Variants in ZMAT4 observed in about 807,000 individuals in gnomAD.
ZMAT4 encodes the protein zinc finger matrin-type protein 4.
A neutral mutation model predicts 28.7 loss-of-function variants in ZMAT4; 17 were observed. The ratio of observed to expected loss-of-function variants is 0.59; its 90% CI spans 0.41 to 0.89. The LOEUF (loss-of-function observed/expected upper bound fraction) is 0.89, where lower values mean the gene tolerates loss of function less well. ZMAT4 is among the 40% of genes least tolerant of loss of function. The probability of loss-of-function intolerance (pLI) is 0.00; values close to 1 mark genes in which losing one functional copy is unlikely to be tolerated. For missense variants in ZMAT4, 240 were observed against 283.8 expected, an observed-to-expected ratio of 0.85 and a Z score of 1.11; for synonymous variants, 117 against 109.2, an observed-to-expected ratio of 1.07 and a Z score of -0.44.
At chr8:40,623,010 A>C (rs1472465144) in intron 5 of ZMAT4, among the ~76,000 whole-genome samples, 2 of 152,194 alleles carry the variant, frequency 1.3e-5, no homozygotes, top group Non-Finnish European at 2.9e-5. Context: ...CATTTGGCAA[A>C]GCTTTATCAC....
In ZMAT4 at chr8:40,530,645, CAAAT is replaced by C. The variant is rs1392294773; in HGVS notation, c.*1574_*1577del. On this transcript the variant is annotated 3_prime_UTR_variant, in exon 7 of 7. Transcript: ENST00000297737. Reference sequence around the variant, plus strand: ...AATGCTTATTTTACAGCGGAATTGACAAATAAAGCCTTATTTTACACATCCGAAG... The same window carrying C: ...AATGCTTATTTTACAGCGGAATTGACAAAGCCTTATTTTACACATCCGAAG... The C allele has an allele frequency of 6.6e-6, 1 of 152,556 alleles. No individual in the cohort carries two copies. The highest frequency in any genetic ancestry group is 2.4e-5 in the African/African-American group (1 of 41,430). 9.5% of individuals were successfully genotyped at this position (152,556 alleles called of 1,614,324 possible).
At chr8:40,643,580 C>G (rs770893776) in intron 5 of ZMAT4, among the ~76,000 whole-genome samples, 2 of 152,062 alleles carry the variant, frequency 1.3e-5, no homozygotes, top group East Asian at 1.9e-4. Flanking sequence ...TCACAAACTC[C>G]GTCCAGAGGG....
intron 6 of ZMAT4, among the ~76,000 whole-genome samples, chr8:40,580,598 T>C (rs1804431339): frequency 6.6e-6 from 1 of 152,160 alleles, no homozygotes; most frequent in Admixed American, 6.5e-5. Flanking sequence ...ATAGTATAAA[T>C]ATAGGTGAAA....
At chr8:40,622,765 T>C (rs1465346210) in intron 5 of ZMAT4, among the ~76,000 whole-genome samples, 2 of 152,204 alleles carry the variant, frequency 1.3e-5, no homozygotes, top group East Asian at 3.9e-4. Flanking sequence ...TTTTTAAGAA[T>C]CAATTCTCAC....
At chr8:40,694,292 A>C (rs1292106482) in intron 4 of ZMAT4, among the ~76,000 whole-genome samples, 2 of 152,162 alleles carry the variant, frequency 1.3e-5, no homozygotes, top group Non-Finnish European at 2.9e-5. Flanking sequence ...TTTCTTTTCC[A>C]GTGCCTCCTG....
Position 40,531,508 on chromosome 8 carries a change from A to G in ZMAT4, c.*715T>C, listed in dbSNP as rs1368668592. 2.0e-5 allele frequency: 3 copies of G among 152,662 alleles called. No individual in the cohort carries two copies. The highest frequency in any genetic ancestry group is 2.9e-5 in the Non-Finnish European group (2 of 68,040). 9.5% of individuals were successfully genotyped at this position (152,662 alleles called of 1,614,324 possible). A position where few individuals can be genotyped will look rare whatever the true frequency, so the allele number is the denominator to read the frequency against. On this transcript the variant is annotated 3_prime_UTR_variant, in exon 7 of 7. Transcript: ENST00000297737. Reference sequence around the variant, plus strand: ...AGGGCTGTGAAGACGTTTTTGCCTAAGAAGATCATCATGCAGGCAGACTAA... The same window carrying G: ...AGGGCTGTGAAGACGTTTTTGCCTAGGAAGATCATCATGCAGGCAGACTAA...
At chr8:40,789,105 G>A (rs13251637) in intron 2 of ZMAT4, among the ~76,000 whole-genome samples, 24,757 of 150,576 alleles carry the variant, frequency 0.16, 2,544 homozygotes, top group Middle Eastern at 0.25. Context: ...GAGGGAAGGC[G>A]AAGAAGGGAG....
intron 5 of ZMAT4, among the ~76,000 whole-genome samples, chr8:40,644,305 C>A (rs1405499994): frequency 6.6e-6 from 1 of 152,112 alleles, no homozygotes; most frequent in Non-Finnish European, 1.5e-5. Context: ...GAACTCCTTT[C>A]AGAAATGGTT....
intron 3 of ZMAT4, among the ~76,000 whole-genome samples, chr8:40,717,356 T>G (rs1164975542): frequency 6.6e-6 from 1 of 152,172 alleles, no homozygotes; most frequent in African/African-American, 2.4e-5. Context: ...TATAAAATAC[T>G]CAAAATAAAG....
intron 3 of ZMAT4, among the ~76,000 whole-genome samples, chr8:40,739,240 G>A (rs765371270): frequency 7.2e-5 from 11 of 152,240 alleles, no homozygotes; most frequent in Non-Finnish European, 1.5e-4. Flanking sequence ...TACCCAAAAG[G>A]AGTCACGGCA....
intron 1 of ZMAT4, among the ~76,000 whole-genome samples, chr8:40,866,306 G>A (rs774045562): frequency 6.6e-6 from 1 of 152,218 alleles, no homozygotes; most frequent in Non-Finnish European, 1.5e-5. Flanking sequence ...CAATGCTGGT[G>A]CCCCAGGGCT....
At chr8:40,562,555 C>G (rs1803782025) in intron 6 of ZMAT4, among the ~76,000 whole-genome samples, 1 of 152,170 alleles carries the variant, frequency 6.6e-6, no homozygotes, top group Admixed American at 6.5e-5. Context: ...CACCCTCCAT[C>G]CTCCTGGGTG....
chr8:40,671,049 A>G (rs1808645329), intron 5 of ZMAT4, among the ~76,000 whole-genome samples: 1 of 147,564 alleles, frequency 6.8e-6, no homozygotes, highest in Non-Finnish European at 1.5e-5. Flanking sequence ...GCCTGGCAAC[A>G]GAGCAAGACT....
chr8:40,629,629 T>G (rs537674001), intron 5 of ZMAT4, among the ~76,000 whole-genome samples: 141 of 149,238 alleles, frequency 9.4e-4, no homozygotes, highest in Middle Eastern at 3.4e-3. Flanking sequence ...ATTGTTCAGT[T>G]CCCACCTATG....
chr8:40,592,193 C>T (rs963953805), intron 5 of ZMAT4, among the ~76,000 whole-genome samples: 1 of 152,100 alleles, frequency 6.6e-6, no homozygotes. Context: ...GGGACAAACC[C>T]ATTGGGAAAT....
rs1306834210 is a variant in ZMAT4, at chr8:40,531,521, G to C, written c.*702C>G. ...CGTTTTTGCCTAAGAAGATCATCAT[G>C]CAGGCAGACTAATTCTTTTCCTAAG... On this transcript the variant is annotated 3_prime_UTR_variant, in exon 7 of 7. Coordinates refer to ENST00000297737, the MANE Select transcript of ZMAT4 (RefSeq NM_024645.3). 3.9e-5 allele frequency: 6 copies of C among 152,636 alleles called. No individual in the cohort carries two copies. Among genetic ancestry groups the C allele is most frequent in the Admixed American group, 3.9e-4 (6 of 15,282 alleles). The allele number at this position is 152,636 out of a possible 1,614,324, so 9.5% of individuals were successfully genotyped here.
At chr8:40,881,599 A>AAGGAAAGAAAGAAAG (rs1818271599) in intron 1 of ZMAT4, among the ~76,000 whole-genome samples, 11 of 78,204 alleles carry the variant, frequency 1.4e-4, no homozygotes, top group Non-Finnish European at 2.4e-4. Flanking sequence ...AGAAAGAAAG[A>AAGGAAAGAAAGAAAG]AAAGAAAAGA....
At chr8:40,737,374 G>A (rs530630483) in intron 3 of ZMAT4, among the ~76,000 whole-genome samples, 1 of 152,244 alleles carries the variant, frequency 6.6e-6, no homozygotes, top group South Asian at 2.1e-4. Flanking sequence ...AGATCTCTGG[G>A]TGGGTCAGAA....
intron 2 of ZMAT4, among the ~76,000 whole-genome samples, chr8:40,820,909 G>T (rs62642083): frequency 6.8e-6 from 1 of 146,002 alleles, no homozygotes; most frequent in Non-Finnish European, 1.5e-5. Context: ...GTGTTTGTGT[G>T]TATGTGTGTG....
Sources: gnomAD v4.1 joint callset for allele counts (sites outside exome capture counted in the v4.1 genomes callset) on GRCh38, gnomAD v4.1.1 for gene constraint, MANE v1.5 for transcripts, NCBI Gene and HGNC (gene_info 2026-07-23, HGNC 2026-07-21) for gene names.